Variants in SUGT1 observed in about 807,000 individuals in gnomAD.
SUGT1 encodes the protein SGT1 assembly cochaperone of MIS12 kinetochore complex.
In SUGT1, 15 loss-of-function variants were observed where a neutral mutation model predicts 56.1. The ratio of observed to expected loss-of-function variants is 0.27; its 90% CI spans 0.18 to 0.41. SUGT1 has a LOEUF of 0.41. SUGT1 is among the 10% of genes least tolerant of loss of function. SUGT1 has a pLI of 1.00. For synonymous variants in SUGT1, 123 were observed against 128.6 expected (o/e 0.96, Z 0.30); for missense variants, 347 against 382.2 (o/e 0.91, Z 0.77).
chr13:52,669,549 C>T (rs1410272907), intron 10 of SUGT1, among the ~76,000 whole-genome samples: 1 of 152,138 alleles, frequency 6.6e-6, no homozygotes, highest in Non-Finnish European at 1.5e-5. Context: ...TTCAGCCTGG[C>T]CTAGGAGACG....
chr13:52,671,169 T>C (rs946545013), intron 10 of SUGT1, among the ~76,000 whole-genome samples: 15 of 151,898 alleles, frequency 9.9e-5, no homozygotes, highest in Non-Finnish European at 1.6e-4. Context: ...TTTAAAATTA[T>C]TGTTTTCTTT....
intron 8 of SUGT1, among the ~76,000 whole-genome samples, chr13:52,665,332 A>T (rs1185901920): frequency 6.6e-6 from 1 of 152,216 alleles, no homozygotes; most frequent in Non-Finnish European, 1.5e-5. Flanking sequence ...TTTAAAATAA[A>T]TGACATCTTT....
chr13:52,675,890 A>G (rs188915937), intron 10 of SUGT1, among the ~76,000 whole-genome samples: 1 of 152,178 alleles, frequency 6.6e-6, no homozygotes, highest in African/African-American at 2.4e-5. Context: ...TCACTGCAGT[A>G]TGACAACCCA....
In SUGT1 at chr13:52,700,062, T is replaced by G. The variant is rs1964039332; in HGVS notation, c.*12227T>G. The G allele has an allele frequency of 6.6e-6, 1 of 152,088 alleles. No individual in the cohort carries two copies. Among genetic ancestry groups the G allele is most frequent in the African/African-American group, 2.4e-5 (1 of 41,420 alleles). The allele number at this position is 152,088 out of a possible 1,614,324, so 9.4% of individuals were successfully genotyped here. A position where few individuals can be genotyped will look rare whatever the true frequency, so the allele number is the denominator to read the frequency against. ...GAGAACAGGAATACGAAACACAACA[T>G]CTGTAAATGACTAAATTCAGAGGGA... On this transcript the variant is annotated 3_prime_UTR_variant, in exon 13 of 13. Coordinates refer to ENST00000310528, the MANE Select transcript of SUGT1 (RefSeq NM_006704.5).
At chr13:52,661,636 T>A in intron 5 of SUGT1, 1 of 406,214 alleles carries the variant, frequency 2.5e-6, no homozygotes, top group Admixed American at 2.8e-5. Flanking sequence ...GCTTCTATTT[T>A]TATCAGACAG....
intron 11 of SUGT1, among the ~76,000 whole-genome samples, chr13:52,677,195 G>C (rs920587134): frequency 1.1e-4 from 16 of 151,926 alleles, no homozygotes; most frequent in African/African-American, 3.6e-4. Flanking sequence ...GTGTGTGTTT[G>C]TGTGTGTGTG....
chr13:52,660,716 G>A (rs765629847), intron 5 of SUGT1, among the ~76,000 whole-genome samples: 1 of 152,200 alleles, frequency 6.6e-6, no homozygotes, highest in Non-Finnish European at 1.5e-5. Flanking sequence ...TGCACTCTTA[G>A]CAAATTCTAG....
chr13:52,655,216 G>A (rs1159297420), intron 2 of SUGT1, among the ~76,000 whole-genome samples: 1 of 152,138 alleles, frequency 6.6e-6, no homozygotes, highest in Admixed American at 6.5e-5. Context: ...ATGGTGGTGG[G>A]CAGCCGTAAT....
rs1313882343 is a variant in SUGT1 at position 52,697,381 on chromosome 13, C to G, written c.*9546C>G. On this transcript the variant is annotated 3_prime_UTR_variant, in exon 13 of 13. Transcript: ENST00000310528. ...TTTCTAACTAGGTTAGCCCTCCATT[C>G]ATACAAAATTATGAGCCCAAATGTC... is the stretch of plus-strand genomic sequence containing the variant. 1 of 152,180 alleles carries G rather than the reference C, an allele frequency of 6.6e-6. No homozygotes were observed. The highest frequency in any genetic ancestry group is 6.5e-5 in the Admixed American group (1 of 15,274). 9.4% of individuals were successfully genotyped at this position (152,180 alleles called of 1,614,324 possible). A position where few individuals can be genotyped will look rare whatever the true frequency, so the allele number is the denominator to read the frequency against.
rs1594261671 is a variant in SUGT1, at chr13:52,687,654, A to G, written c.901-80A>G. The G allele has an allele frequency of 6.2e-6, 7 of 1,130,144 alleles. No homozygotes were observed. In the South Asian group the frequency reaches 9.4e-5, roughly 15 times the overall value. 70.0% of individuals were successfully genotyped at this position (1,130,144 alleles called of 1,614,324 possible). A position where few individuals can be genotyped will look rare whatever the true frequency, so the allele number is the denominator to read the frequency against. On this transcript the variant is annotated intron_variant, in intron 12 of 12. Transcript: ENST00000310528. ...TATAATAGCCAATATTTGGGGCTCT[A>G]TGCTTGGAACATTTTAAGAAAAATA...
intron 9 of SUGT1, among the ~76,000 whole-genome samples, chr13:52,665,985 G>A (rs561020770): frequency 2.6e-5 from 4 of 152,306 alleles, no homozygotes; most frequent in African/African-American, 9.6e-5. Flanking sequence ...AAGATAATGT[G>A]CTTTGGTTAT....
At chr13:52,661,034 A>G (rs1962422055) in intron 5 of SUGT1, among the ~76,000 whole-genome samples, 1 of 151,556 alleles carries the variant, frequency 6.6e-6, no homozygotes, top group Admixed American at 6.6e-5. Context: ...CTGGTCTTGA[A>G]CTCCTGGACT....
At chr13:52,657,009 GGGTTTTA>G (rs1962197417) in intron 2 of SUGT1, among the ~76,000 whole-genome samples, 1 of 152,152 alleles carries the variant, frequency 6.6e-6, no homozygotes, top group Admixed American at 6.6e-5. Flanking sequence ...ATATTTAGTT[GGGTTTTA>G]TTAGAGTTGT....
intron 12 of SUGT1, among the ~76,000 whole-genome samples, chr13:52,681,980 A>G (rs1026986287): frequency 8.7e-6 from 1 of 115,208 alleles, no homozygotes; most frequent in Non-Finnish European, 1.6e-5. Context: ...TCTTTGTCAG[A>G]TATGTAGTTT....
chr13:52,672,629 A>G (rs748623039), intron 10 of SUGT1, among the ~76,000 whole-genome samples: 1 of 152,184 alleles, frequency 6.6e-6, no homozygotes, highest in African/African-American at 2.4e-5. Flanking sequence ...TAGGGGAACA[A>G]TTATTTAATG....
intron 2 of SUGT1, among the ~76,000 whole-genome samples, chr13:52,653,347 C>T (rs1183323016): frequency 6.6e-6 from 1 of 150,728 alleles, no homozygotes; most frequent in Non-Finnish European, 1.5e-5. Context: ...TCCTCTATTT[C>T]TTGGGAGCAT....
chr13:52,665,362 G>T (rs1962651820), intron 8 of SUGT1, among the ~76,000 whole-genome samples: 1 of 152,128 alleles, frequency 6.6e-6, no homozygotes, highest in South Asian at 2.1e-4. Flanking sequence ...ATTAGTTTAA[G>T]CACAACAGTG....
intron 10 of SUGT1, 52 bp downstream of exon 10, chr13:52,666,971 T>C: frequency 7.9e-7 from 1 of 1,266,964 alleles, no homozygotes; most frequent in South Asian, 1.3e-5. Flanking sequence ...ATTATAGAAA[T>C]ACTGGTGAAC....
At chr13:52,672,654 G>C (rs1343387229) in intron 10 of SUGT1, among the ~76,000 whole-genome samples, 2 of 152,308 alleles carry the variant, frequency 1.3e-5, no homozygotes, top group East Asian at 1.9e-4. Flanking sequence ...CAGTCTTGAA[G>C]TGTATGGTTC....
Sources: allele counts gnomAD v4.1 joint callset (sites outside exome capture counted in the v4.1 genomes callset), GRCh38; gene constraint gnomAD v4.1.1; transcripts MANE v1.5; gene names NCBI Gene and HGNC (gene_info 2026-07-23, HGNC 2026-07-21).